TNR: variants seen among roughly 807,000 people sequenced by gnomAD.
TNR encodes tenascin-R.
Under a neutral mutation model 150.4 loss-of-function variants are expected in TNR, and 45 were observed. That is an observed-to-expected ratio of 0.30 (90% confidence interval 0.24 to 0.38). The LOEUF (loss-of-function observed/expected upper bound fraction) is 0.38. Among genes scored for constraint, TNR ranks in the 10% least tolerant of loss-of-function variants. The pLI is 1.00. For missense variants in TNR, 1,544 were observed against 1,759.1 expected (o/e 0.88, Z 2.19); for synonymous variants, 687 against 678.4 (o/e 1.01, Z -0.20).
chr1:175,589,712 C>A (rs983587107), intron 1 of TNR, among the ~76,000 whole-genome samples: 3 of 152,088 alleles, frequency 2.0e-5, no homozygotes, highest in African/African-American at 7.2e-5. Context: ...ATGGATGAAG[C>A]TAGAGACCAC....
At chr1:175,709,688 T>C (rs929985330) in intron 1 of TNR, among the ~76,000 whole-genome samples, 2 of 152,222 alleles carry the variant, frequency 1.3e-5, no homozygotes, top group African/African-American at 2.4e-5. Context: ...CTAGACATCG[T>C]GTTGTGGTAC....
chr1:175,397,512 G>A (rs765389019), intron 4 of TNR, among the ~76,000 whole-genome samples: 8 of 152,178 alleles, frequency 5.3e-5, no homozygotes, highest in Non-Finnish European at 1.0e-4. Context: ...ATCTGATTTG[G>A]CAAGTGGAAA....
chr1:175,705,502 A>G (rs1666824531), intron 1 of TNR, among the ~76,000 whole-genome samples: 1 of 152,184 alleles, frequency 6.6e-6, no homozygotes. Context: ...CTTTGGAAAG[A>G]AAAAGTTGGT....
chr1:175,599,169 A>G lies in TNR; in HGVS notation c.-164-70800T>C, dbSNP rs1339987108. On this transcript the variant is annotated intron_variant, in intron 1 of 22. Coordinates refer to ENST00000367674, the MANE Select transcript of TNR (RefSeq NM_003285.3). The surrounding 1 kb of genome is among the most constrained non-coding windows in gnomAD (Gnocchi z 4.7). ...GCTGAGGGAGAAGAGAGGAGGGAGG[A>G]AGGAGAGCAGGAGGGAGGGGAAGCT... is the stretch of plus-strand genomic sequence containing the variant. 6.6e-6 allele frequency among the ~76,000 whole-genome samples: 1 copy of G among 151,948 alleles called. No individual in the cohort carries two copies. Among genetic ancestry groups the G allele is most frequent in the Non-Finnish European group, 1.5e-5 (1 of 67,978 alleles).
chr1:175,477,498 T>C (rs1330608529), intron 2 of TNR, among the ~76,000 whole-genome samples: 1 of 152,228 alleles, frequency 6.6e-6, no homozygotes, highest in Non-Finnish European at 1.5e-5. Flanking sequence ...TGTCTGTTTG[T>C]ATTGTTTGTA....
At chr1:175,690,850 T>C (rs560790219) in intron 1 of TNR, among the ~76,000 whole-genome samples, 1 of 152,068 alleles carries the variant, frequency 6.6e-6, no homozygotes, top group Non-Finnish European at 1.5e-5. Flanking sequence ...GAGAGAAGAT[T>C]GAACATATTC....
At chr1:175,633,324 C>T (rs1236798263) in intron 1 of TNR, among the ~76,000 whole-genome samples, 1 of 151,988 alleles carries the variant, frequency 6.6e-6, no homozygotes, top group East Asian at 1.9e-4. Context: ...TTCCACTGCC[C>T]TTAGCACGCA....
chr1:175,514,579 CTG>C (rs1477440593), intron 2 of TNR, among the ~76,000 whole-genome samples: 3 of 152,204 alleles, frequency 2.0e-5, no homozygotes, highest in Non-Finnish European at 4.4e-5. Flanking sequence ...GGGAAACAGT[CTG>C]AGAAGTTTTT....
At chr1:175,363,970 C>T in intron 12 of TNR, 143 bp from the exon 13 acceptor site, 1 of 1,021,444 alleles carries the variant, frequency 9.8e-7, no homozygotes, top group Non-Finnish European at 1.4e-6. Context: ...TATCTTAAAA[C>T]CATGGTCACG....
intron 1 of TNR, among the ~76,000 whole-genome samples, chr1:175,585,780 T>C (rs1662539666): frequency 1.3e-5 from 2 of 152,168 alleles, no homozygotes; most frequent in African/African-American, 4.8e-5. Context: ...TCCTTCTCTC[T>C]TTCTCCCTCT....
rs1219095476 is a variant in TNR at position 175,346,891 on chromosome 1, A to AG, written c.3382+7499_3382+7500insC. Among the ~76,000 whole-genome samples, 3 of 151,328 alleles carry AG rather than the reference A, an allele frequency of 2.0e-5. No individual in the cohort carries two copies. In the East Asian group the frequency reaches 5.8e-4, roughly 29 times the overall value. On this transcript the variant is annotated intron_variant, in intron 18 of 22. Coordinates refer to ENST00000367674, the MANE Select transcript of TNR (RefSeq NM_003285.3). ...CTGAACAAGTTATTCCACAAAAGAAAAAAAAAAAAAAGAAGCAAAAAAGAA... is the reference window on the plus strand; with the variant it reads ...CTGAACAAGTTATTCCACAAAAGAAAGAAAAAAAAAAAGAAGCAAAAAAGAA...
chr1:175,392,043 A>G (rs1653194843), intron 6 of TNR, among the ~76,000 whole-genome samples: 1 of 152,228 alleles, frequency 6.6e-6, no homozygotes, highest in African/African-American at 2.4e-5. Context: ...ACTCAGTGAC[A>G]CAACCACATA....
intron 1 of TNR, among the ~76,000 whole-genome samples, chr1:175,642,639 G>A (rs1664699634): frequency 1.3e-5 from 2 of 152,242 alleles, no homozygotes; most frequent in Non-Finnish European, 2.9e-5. Flanking sequence ...TGTCAGAAAG[G>A]ATGGGGCCTC....
intron 1 of TNR, among the ~76,000 whole-genome samples, chr1:175,624,790 G>A (rs992000812): frequency 2.6e-5 from 4 of 152,200 alleles, no homozygotes; most frequent in African/African-American, 4.8e-5. Flanking sequence ...CTGGGGTAGG[G>A]AATGGACAGC....
At chr1:175,667,935 C>G (rs1665580363) in intron 1 of TNR, among the ~76,000 whole-genome samples, 1 of 152,204 alleles carries the variant, frequency 6.6e-6, no homozygotes, top group South Asian at 2.1e-4. Context: ...TCATGCCTTG[C>G]TACTCAAAGT....
At chr1:175,368,957 A>C (rs768925152) in intron 9 of TNR, among the ~76,000 whole-genome samples, 2 of 152,178 alleles carry the variant, frequency 1.3e-5, no homozygotes, top group Non-Finnish European at 2.9e-5. Context: ...TCAAAAAAAC[A>C]AAAACAAACA....
chr1:175,441,509 G>A (rs1360865181), intron 2 of TNR, among the ~76,000 whole-genome samples: 1 of 152,036 alleles, frequency 6.6e-6, no homozygotes, highest in East Asian at 1.9e-4. Flanking sequence ...TAAAGGAGAA[G>A]CAAATTCATC....
At chr1:175,545,210 C>T (rs1202552411) in intron 1 of TNR, among the ~76,000 whole-genome samples, 1 of 152,032 alleles carries the variant, frequency 6.6e-6, no homozygotes, top group Non-Finnish European at 1.5e-5. Context: ...AGTGAGTGTT[C>T]AATAGGGTCA....
intron 1 of TNR, among the ~76,000 whole-genome samples, chr1:175,530,174 A>G (rs1660008453): frequency 6.6e-6 from 1 of 152,230 alleles, no homozygotes; most frequent in African/African-American, 2.4e-5. Context: ...CACTGTCATA[A>G]TTCCCAGGAA....
Sources: gnomAD v4.1 joint callset for allele counts (sites outside exome capture counted in the v4.1 genomes callset) on GRCh38, gnomAD v4.1.1 for gene constraint, Gnocchi (gnomAD v3.1) non-coding constraint, MANE v1.5 for transcripts, NCBI Gene and HGNC (gene_info 2026-07-23, HGNC 2026-07-21) for gene names.